The following CNTNAP5 variants were observed in gnomAD, a reference collection of about 807,000 sequenced individuals.
The protein encoded by CNTNAP5 is contactin associated protein family member 5.
Under a neutral mutation model 150.2 loss-of-function variants are expected in CNTNAP5, and 72 were observed. The ratio of observed to expected loss-of-function variants is 0.48; its 90% CI spans 0.40 to 0.58. The LOEUF is 0.58. Ranked by LOEUF, CNTNAP5 falls within the 20% of genes least tolerant of loss-of-function variation. The probability of loss-of-function intolerance (pLI) is 0.00; values close to 1 mark genes in which losing one functional copy is unlikely to be tolerated. For synonymous variants in CNTNAP5, 672 were observed against 619.8 expected (o/e 1.08, Z -1.25); for missense variants, 1,636 against 1,626.2 (o/e 1.01, Z -0.10).
intron 20 of CNTNAP5, among the ~76,000 whole-genome samples, chr2:124,867,185 A>C (rs1463705130): frequency 6.6e-6 from 1 of 152,136 alleles, no homozygotes; most frequent in South Asian, 2.1e-4. Flanking sequence ...TAATTATTAC[A>C]TGCATTAAGA....
chr2:124,163,357 C>A (rs1377510923), intron 1 of CNTNAP5, among the ~76,000 whole-genome samples: 1 of 152,120 alleles, frequency 6.6e-6, no homozygotes, highest in African/African-American at 2.4e-5. Flanking sequence ...TCATTTATAT[C>A]AAATTGTCAT....
At chr2:124,691,625 C>A (rs1422117623) in intron 13 of CNTNAP5, among the ~76,000 whole-genome samples, 3 of 151,934 alleles carry the variant, frequency 2.0e-5, no homozygotes, top group Non-Finnish European at 4.4e-5. Context: ...TGTTTGTAAC[C>A]CTGGCACCAT....
intron 3 of CNTNAP5, among the ~76,000 whole-genome samples, chr2:124,291,044 G>A (rs1558836334): frequency 6.6e-6 from 1 of 152,040 alleles, no homozygotes; most frequent in African/African-American, 2.4e-5. Context: ...ATGCAACTGA[G>A]CAGAGATATA....
intron 17 of CNTNAP5, among the ~76,000 whole-genome samples, chr2:124,783,791 TCCAGTTAATACTA>T (rs1280285399): frequency 6.6e-6 from 1 of 152,170 alleles, no homozygotes; most frequent in Non-Finnish European, 1.5e-5. Context: ...CTTTTGGGCA[TCCAGTTAATACTA>T]CCAGTATTAT....
chr2:124,084,720 AC>A (rs1233361756), intron 1 of CNTNAP5, among the ~76,000 whole-genome samples: 2 of 152,078 alleles, frequency 1.3e-5, no homozygotes, highest in South Asian at 2.1e-4. Context: ...TTCATTAAAT[AC>A]AAAAAAATAC....
In CNTNAP5 at chr2:124,770,776, A is replaced by C. The variant is rs377726615; in HGVS notation, c.2534-2023A>C. On this transcript the variant is annotated intron_variant, in intron 16 of 23. Coordinates refer to ENST00000682447, the MANE Select transcript of CNTNAP5 (RefSeq NM_001367498.1). The stretch of plus-strand genomic sequence containing the variant: ...ATTTGCCTAGGTTGAAAAATCACAG[A>C]TCACAGTAATAATAACAACAGCCAT... 1.6e-4 allele frequency among the ~76,000 whole-genome samples: 24 copies of C among 152,340 alleles called. No individual in the cohort carries two copies. The East Asian group carries it at 4.4e-3, about 28-fold the overall frequency.
At chr2:124,557,364 C>A (rs1156858947) in intron 10 of CNTNAP5, among the ~76,000 whole-genome samples, 4 of 152,134 alleles carry the variant, frequency 2.6e-5, no homozygotes, top group Non-Finnish European at 5.9e-5. Context: ...CCTTTGCCTG[C>A]CCTCTTTCCT....
At chr2:124,529,435 TG>T (rs1022928469) in intron 10 of CNTNAP5, among the ~76,000 whole-genome samples, 1 of 152,212 alleles carries the variant, frequency 6.6e-6, no homozygotes, top group African/African-American at 2.4e-5. Context: ...TTTCATTAAT[TG>T]TATAATAAGG....
chr2:124,722,191 A>G (rs1202485334), intron 13 of CNTNAP5, among the ~76,000 whole-genome samples: 1 of 152,142 alleles, frequency 6.6e-6, no homozygotes, highest in Non-Finnish European at 1.5e-5. Flanking sequence ...TGGACCCCTC[A>G]AATTGCTACA....
chr2:124,806,517 C>T (rs2104651431), intron 19 of CNTNAP5, among the ~76,000 whole-genome samples: 1 of 152,040 alleles, frequency 6.6e-6, no homozygotes, highest in Non-Finnish European at 1.5e-5. Context: ...TTCTGTGGCT[C>T]TACGTTCTCA....
intron 19 of CNTNAP5, among the ~76,000 whole-genome samples, chr2:124,843,665 A>G (rs962848230): frequency 6.6e-6 from 1 of 152,086 alleles, no homozygotes; most frequent in Non-Finnish European, 1.5e-5. Flanking sequence ...ATCCATGCTA[A>G]CAGCTATAAT....
At chr2:124,706,298 G>T (rs12993186) in intron 13 of CNTNAP5, among the ~76,000 whole-genome samples, 24,757 of 152,160 alleles carry the variant, frequency 0.16, 2,290 homozygotes, top group East Asian at 0.24. Flanking sequence ...TTTGTGTCTT[G>T]CAGCCACAGC....
chr2:124,524,218 C>T (rs187615264), intron 8 of CNTNAP5, 85 bp from the exon 9 acceptor site: 576 of 1,405,772 alleles, frequency 4.1e-4, no homozygotes, highest in Non-Finnish European at 4.7e-4. Context: ...ATGGCATGGA[C>T]GGCAGCAGGC....
intron 2 of CNTNAP5, 41 bp downstream of exon 2, chr2:124,221,850 A>G (rs1445023933): frequency 7.6e-7 from 1 of 1,311,684 alleles, no homozygotes; most frequent in Non-Finnish European, 1.1e-6. Flanking sequence ...AGCACTAAAT[A>G]ATTACGTGGT....
chr2:124,398,658 G>A (rs760584505), intron 3 of CNTNAP5, among the ~76,000 whole-genome samples: 1 of 152,024 alleles, frequency 6.6e-6, no homozygotes, highest in Non-Finnish European at 1.5e-5. Flanking sequence ...CACCATGCCT[G>A]GCTAGTTTTG....
At chr2:124,072,860 C>A (rs1404347352) in intron 1 of CNTNAP5, among the ~76,000 whole-genome samples, 2 of 151,904 alleles carry the variant, frequency 1.3e-5, no homozygotes, top group Non-Finnish European at 2.9e-5. Flanking sequence ...AAAAAGAATT[C>A]TAAAACTTAC....
intron 3 of CNTNAP5, among the ~76,000 whole-genome samples, chr2:124,378,922 G>A (rs543441528): frequency 5.3e-5 from 8 of 152,188 alleles, no homozygotes; most frequent in Non-Finnish European, 1.2e-4. Flanking sequence ...CCTTACATGT[G>A]AGGATTGCTT....
intron 10 of CNTNAP5, among the ~76,000 whole-genome samples, chr2:124,542,285 G>T (rs1448790754): frequency 6.7e-6 from 1 of 148,502 alleles, no homozygotes; most frequent in Non-Finnish European, 1.5e-5. Context: ...TGCATTTACT[G>T]AGCATCTAGT....
At chr2:124,883,669 T>A (rs1223241371) in intron 21 of CNTNAP5, among the ~76,000 whole-genome samples, 1 of 152,140 alleles carries the variant, frequency 6.6e-6, no homozygotes, top group Non-Finnish European at 1.5e-5. Context: ...CATATGTGTA[T>A]GTTTGCATTT....
Sources: gnomAD v4.1 joint callset for allele counts (sites outside exome capture counted in the v4.1 genomes callset) on GRCh38, gnomAD v4.1.1 for gene constraint, MANE v1.5 for transcripts, NCBI Gene and HGNC (gene_info 2026-07-23, HGNC 2026-07-21) for gene names.